RARB: variants seen among roughly 807,000 people sequenced by gnomAD.
RARB encodes retinoic acid receptor beta.
A neutral mutation model predicts 51.9 loss-of-function variants in RARB; 17 were observed. The observed-to-expected ratio is 0.33, with a 90% CI of 0.22 to 0.49. RARB has a LOEUF of 0.49. RARB is among the 20% of genes least tolerant of loss of function. The pLI is 0.99. For synonymous variants in RARB, 215 were observed against 195.4 expected, an observed-to-expected ratio of 1.10 and a Z score of -0.84; for missense variants, 369 against 550.8, an observed-to-expected ratio of 0.67 and a Z score of 3.30.
intron 4 of RARB, among the ~76,000 whole-genome samples, chr3:25,142,070 G>A (rs754717260): frequency 9.2e-5 from 14 of 152,238 alleles, no homozygotes; most frequent in Non-Finnish European, 2.1e-4. Context: ...GGTGGCTCAC[G>A]CCTGTGATGC....
chr3:24,895,344 C>T (rs545636062), intron 2 of RARB, among the ~76,000 whole-genome samples: 1 of 152,252 alleles, frequency 6.6e-6, no homozygotes, highest in South Asian at 2.1e-4. Context: ...ATTAGTGACT[C>T]TCAATTTTGT....
At chr3:25,152,409 A>G (rs1029227675) in intron 4 of RARB, among the ~76,000 whole-genome samples, 2 of 152,168 alleles carry the variant, frequency 1.3e-5, no homozygotes, top group African/African-American at 4.8e-5. Context: ...TTGGGTCCAA[A>G]GAGGGTTTAT....
chr3:25,506,252 CAAAAAAAAAA>C, intron 3 of RARB, among the ~76,000 whole-genome samples: 1 of 57,772 alleles, frequency 1.7e-5, no homozygotes, highest in Non-Finnish European at 3.2e-5. Flanking sequence ...GACTCCATCT[CAAAAAAAAAA>C]AAAAAAAAAA....
chr3:25,127,715 C>G (rs1699884674), intron 3 of RARB, among the ~76,000 whole-genome samples: 1 of 151,914 alleles, frequency 6.6e-6, no homozygotes, highest in Non-Finnish European at 1.5e-5. Flanking sequence ...AACCCAGCTA[C>G]CTTTGATCAA....
intron 2 of RARB, among the ~76,000 whole-genome samples, chr3:24,905,225 T>C (rs1694833406): frequency 6.6e-6 from 1 of 152,184 alleles, no homozygotes; most frequent in Admixed American, 6.5e-5. Flanking sequence ...TGAATAGCCA[T>C]CTCTTCCTTA....
intron 2 of RARB, among the ~76,000 whole-genome samples, chr3:24,911,944 T>G (rs1174391712): frequency 6.6e-6 from 1 of 152,234 alleles, no homozygotes; most frequent in Admixed American, 6.5e-5. Flanking sequence ...TGAATCTTAA[T>G]GTTGGTGACA....
At chr3:25,435,871 A>ATG (rs1268730718) in intron 1 of RARB, among the ~76,000 whole-genome samples, 2 of 152,208 alleles carry the variant, frequency 1.3e-5, no homozygotes, top group Admixed American at 6.5e-5. Context: ...AATTATATAT[A>ATG]CATTATATTA....
intron 2 of RARB, among the ~76,000 whole-genome samples, chr3:24,925,157 C>T (rs767898417): frequency 1.3e-5 from 2 of 152,092 alleles, no homozygotes; most frequent in Non-Finnish European, 1.5e-5. Context: ...CAACTTCACA[C>T]CCTACTTGGC....
At chr3:24,851,788 A>G (rs1702563269) in intron 1 of RARB, among the ~76,000 whole-genome samples, 1 of 152,240 alleles carries the variant, frequency 6.6e-6, no homozygotes, top group Non-Finnish European at 1.5e-5. Flanking sequence ...AGTCAAAACT[A>G]CAGCTTTGGG....
intron 2 of RARB, among the ~76,000 whole-genome samples, chr3:25,003,074 A>G (rs780853850): frequency 4.6e-5 from 7 of 151,936 alleles, no homozygotes; most frequent in Non-Finnish European, 8.8e-5. Context: ...AATTTTTGGT[A>G]TTATATATAA....
At chr3:24,886,076 C>G (rs907564292) in intron 2 of RARB, among the ~76,000 whole-genome samples, 1 of 152,162 alleles carries the variant, frequency 6.6e-6, no homozygotes, top group African/African-American at 2.4e-5. Flanking sequence ...TTTACAGCTT[C>G]CTTTTTCCAT....
chr3:25,248,880 A>C lies in RARB; in HGVS notation c.178+74305A>C, dbSNP rs374053287. The stretch of plus-strand genomic sequence containing the variant: ...GTTGTTTGAATTCTCTTTGTCTTTC[A>C]CTTTTGACAGTTGGGCTACACTCTG... On this transcript the variant is annotated intron_variant, in intron 5 of 11. Coordinates refer to the RARB transcript ENST00000383772. Among the ~76,000 whole-genome samples, 4 of 151,982 alleles carry C rather than the reference A, an allele frequency of 2.6e-5. No individual in the cohort carries two copies. The East Asian group carries it at 5.8e-4, about 22-fold the overall frequency.
intron 5 of RARB, among the ~76,000 whole-genome samples, chr3:25,230,064 G>C (rs1702141289): frequency 6.6e-6 from 1 of 152,046 alleles, no homozygotes; most frequent in Non-Finnish European, 1.5e-5. Flanking sequence ...AATGAATGAA[G>C]TATGCTTATA....
At chr3:25,504,890 T>A (rs1697506484) in intron 3 of RARB, among the ~76,000 whole-genome samples, 1 of 151,274 alleles carries the variant, frequency 6.6e-6, no homozygotes, top group South Asian at 2.1e-4. Context: ...CCCAAGTAGC[T>A]GGCATTATAG....
upstream of RARB, among the ~76,000 whole-genome samples, chr3:25,427,681 G>A (rs556521842): frequency 1.3e-5 from 2 of 152,286 alleles, no homozygotes; most frequent in South Asian, 2.1e-4. Context: ...TCAGCCAGGG[G>A]CTTGCAAGAG....
At chr3:25,417,213 A>AG (rs397875947) in intron 5 of RARB, among the ~76,000 whole-genome samples, 1 of 151,026 alleles carries the variant, frequency 6.6e-6, no homozygotes, top group Non-Finnish European at 1.5e-5. Flanking sequence ...AAAAAAAAAA[A>AG]CTGCTGCCTG....
intron 5 of RARB, among the ~76,000 whole-genome samples, chr3:25,584,382 G>C (rs1312115113): frequency 1.3e-5 from 2 of 152,174 alleles, no homozygotes; most frequent in Non-Finnish European, 2.9e-5. Flanking sequence ...GCAGAATCAG[G>C]GATGGAGCAC....
At chr3:24,919,579 G>C (rs1014256351) in intron 2 of RARB, among the ~76,000 whole-genome samples, 11 of 152,160 alleles carry the variant, frequency 7.2e-5, no homozygotes, top group Non-Finnish European at 1.3e-4. Context: ...GGCTGCACTG[G>C]AATCTCTCTG....
chr3:25,501,127 T>C, intron 2 of RARB, 55 bp from the exon 3 acceptor site: 2 of 1,524,764 alleles, frequency 1.3e-6, no homozygotes, highest in Non-Finnish European at 1.7e-6. Context: ...GGCTTTGATT[T>C]CTGATGAAGC....
Sources: gnomAD v4.1 joint callset for allele counts (sites outside exome capture counted in the v4.1 genomes callset) on GRCh38, gnomAD v4.1.1 for gene constraint, MANE v1.5 for transcripts, NCBI Gene and HGNC (gene_info 2026-07-23, HGNC 2026-07-21) for gene names.